GCC2: variants seen among roughly 807,000 people sequenced by gnomAD.
GCC2 encodes the protein GRIP and coiled-coil domain containing 2.
GCC2 carries 120 observed loss-of-function variants against 210.6 expected under a neutral mutation model. The observed-to-expected ratio is 0.57, with a 90% CI of 0.49 to 0.66. GCC2 has a LOEUF of 0.66. Ranked by LOEUF, GCC2 falls within the 30% of genes least tolerant of loss-of-function variation. The pLI, the probability that GCC2 is intolerant of heterozygous loss-of-function variation, is 0.00. For synonymous variants in GCC2, 703 were observed against 652.7 expected, an observed-to-expected ratio of 1.08 and a Z score of -1.17; for missense variants, 1,868 against 1,871.9, an observed-to-expected ratio of 1.00 and a Z score of 0.04.
At chr2:108,464,446 C>T (rs573942943) in intron 4 of GCC2, among the ~76,000 whole-genome samples, 8 of 152,290 alleles carry the variant, frequency 5.3e-5, no homozygotes, top group Admixed American at 3.3e-4. Context: ...GTGGGGACAG[C>T]GTGAGCTCTC....
chr2:108,477,564 A>C (rs1681607554), intron 9 of GCC2, among the ~76,000 whole-genome samples: 1 of 152,186 alleles, frequency 6.6e-6, no homozygotes, highest in Non-Finnish European at 1.5e-5. Context: ...ATCTCAGTAA[A>C]GTTTGAAACA....
intron 17 of GCC2, 145 bp downstream of exon 17, chr2:108,487,965 G>C (rs1682232062): frequency 2.6e-6 from 2 of 769,852 alleles, no homozygotes; most frequent in Non-Finnish European, 3.9e-6. Context: ...GGAGTGCAGT[G>C]GTGCAATCTC....
chr2:108,498,198 T>C (rs1262108107), intron 21 of GCC2, among the ~76,000 whole-genome samples: 1 of 126,000 alleles, frequency 7.9e-6, no homozygotes. Context: ...TTTTTTTTTT[T>C]TTTTTTTTTT....
chr2:108,501,766 C>G (rs546204549), intron 22 of GCC2, among the ~76,000 whole-genome samples: 1 of 152,290 alleles, frequency 6.6e-6, no homozygotes, highest in East Asian at 1.9e-4. Flanking sequence ...GGAGCCCATA[C>G]CTTGAGAACC....
At chr2:108,472,744 T>C in intron 6 of GCC2, 83 bp from the exon 7 acceptor site, 1 of 784,670 alleles carries the variant, frequency 1.3e-6, no homozygotes, top group East Asian at 2.5e-5. Context: ...ATGCTTAACA[T>C]GATGGCCAGT....
chr2:108,469,861 G>T lies in GCC2; in HGVS notation c.532G>T (p.Asp178Tyr), dbSNP rs1681092808. The T allele has an allele frequency of 6.2e-7, 1 of 1,612,112 alleles. No homozygotes were observed. The highest frequency in any genetic ancestry group is 8.5e-7 in the Non-Finnish European group (1 of 1,179,076). Residue 178 changes from aspartate (D) to tyrosine (Y), a missense_variant, in exon 6 of 23, where the codon GAT becomes TAT. By Grantham distance (160) the Asp-to-Tyr change is radical. Coordinates refer to ENST00000309863, the MANE Select transcript of GCC2 (RefSeq NM_181453.4). ...EQLKFQNNSE[D>Y]NVKKLQEEIE... is the part of the protein sequence containing the mutation. ...ACTTAAATTTCAGAACAACTCTGAA[G>T]ATAATGTTAAAAAACTACAAGAAGA... is the stretch of plus-strand genomic sequence containing the variant.
At chr2:108,495,625 G>A (rs1024979788) in intron 20 of GCC2, 140 bp downstream of exon 20, 170 of 515,056 alleles carry the variant, frequency 3.3e-4, no homozygotes, top group Non-Finnish European at 4.6e-4. Flanking sequence ...TTGTATTAGG[G>A]TTCTCTAGAG....
chr2:108,486,498 G>T lies in GCC2; in HGVS notation c.3793-13G>T. On this transcript the variant is annotated splice_polypyrimidine_tract_variant and intron_variant, in intron 15 of 22. Coordinates refer to ENST00000309863, the MANE Select transcript of GCC2 (RefSeq NM_181453.4). ...AGGATTTGCTAAAGCTAAATTTAAA[G>T]ATTTACCCCCAGATACAGCTGGCTG... is the stretch of plus-strand genomic sequence containing the variant. 6.2e-7 allele frequency: 1 copy of T among 1,613,648 alleles called. No homozygotes were observed. Among genetic ancestry groups the T allele is most frequent in the Non-Finnish European group, 8.5e-7 (1 of 1,179,748 alleles).
At position 108,476,054 on chromosome 2, in the gene GCC2, C is replaced by CCTTTTTTTTTTTTTTTTT. The variant is rs1558744710; in HGVS notation, c.3060+204_3060+205insCTTTTTTTTTTTTTTTTT. Among the ~76,000 whole-genome samples, 6 of 96,328 alleles carry CCTTTTTTTTTTTTTTTTT rather than the reference C, an allele frequency of 6.2e-5. 2 individuals carry two copies. The highest frequency in any genetic ancestry group is 3.8e-5 in the African/African-American group (1 of 26,590). 63.2% of individuals were successfully genotyped at this position (96,328 alleles called of 152,430 possible). ...TGGTTAAGCTTTAAATAGTGGCTTG[C>CCTTTTTTTTTTTTTTTTT]TTTTTTTTTTTTTTTTTTTTTTTTT... On this transcript the variant is annotated intron_variant, in intron 9 of 22. Coordinates refer to ENST00000309863, the MANE Select transcript of GCC2 (RefSeq NM_181453.4).
chr2:108,481,876 T>A (rs1681872385), intron 10 of GCC2, 60 bp downstream of exon 10: 1 of 1,269,286 alleles, frequency 7.9e-7, no homozygotes. Context: ...ATCTCAATAC[T>A]TTTTGCATAA....
At chr2:108,497,834 C>T (rs567674770) in intron 21 of GCC2, among the ~76,000 whole-genome samples, 3 of 152,258 alleles carry the variant, frequency 2.0e-5, no homozygotes, top group South Asian at 4.1e-4. Flanking sequence ...GCTCTACATA[C>T]GTTATTTAAT....
chr2:108,459,520 A>C (rs2104420170), intron 4 of GCC2, among the ~76,000 whole-genome samples: 1 of 152,210 alleles, frequency 6.6e-6, no homozygotes, highest in Non-Finnish European at 1.5e-5. Context: ...AGTCTGGTTT[A>C]AATGCAATGT....
intron 22 of GCC2, among the ~76,000 whole-genome samples, chr2:108,500,845 A>G (rs897585987): frequency 1.3e-5 from 2 of 152,130 alleles, no homozygotes; most frequent in African/African-American, 4.8e-5. Context: ...TTCTTTCCCC[A>G]GTGAATAATT....
intron 22 of GCC2, among the ~76,000 whole-genome samples, chr2:108,505,363 T>C (rs1021127284): frequency 2.0e-5 from 3 of 152,230 alleles, no homozygotes; most frequent in African/African-American, 7.2e-5. Context: ...CTAGAAGTTC[T>C]TCAGATTGTG....
intron 13 of GCC2, 87 bp downstream of exon 13, chr2:108,484,398 A>G: frequency 1.4e-6 from 1 of 717,974 alleles, no homozygotes; most frequent in East Asian, 2.9e-5. Context: ...TTATTTCACC[A>G]GTCTTTCACT....
At chr2:108,507,420 A>C (rs1301949527) in intron 22 of GCC2, 140 bp from the exon 23 acceptor site, 4 of 307,596 alleles carry the variant, frequency 1.3e-5, no homozygotes, top group East Asian at 1.3e-4. Context: ...CCCCCCCAAA[A>C]AAAAGGCATG....
chr2:108,453,788 A>G (rs1031536177), intron 4 of GCC2, among the ~76,000 whole-genome samples: 1 of 129,188 alleles, frequency 7.7e-6, no homozygotes, highest in Non-Finnish European at 1.8e-5. Context: ...CCGTTTTTAA[A>G]AAAAAAAAAA....
At chr2:108,487,948 C>G in intron 17 of GCC2, 128 bp downstream of exon 17, 1 of 963,762 alleles carries the variant, frequency 1.0e-6, no homozygotes, top group Non-Finnish European at 1.5e-6. Context: ...CTCTTGTTGC[C>G]CAGGCTGGAG....
rs1191536722 is a variant in GCC2, at chr2:108,499,226, AC to A, written c.4783-323del. Among the ~76,000 whole-genome samples, 17 of 151,688 alleles carry A rather than the reference AC, an allele frequency of 1.1e-4. No individual in the cohort carries two copies. In the East Asian group the frequency reaches 2.5e-3, roughly 22 times the overall value. ...TTCTACTTCACCCCTCTTCCTTCCA[AC>A]CCCAAATAGCTTAGGACAGTGGAGT... On this transcript the variant is annotated intron_variant, in intron 21 of 22. Coordinates refer to ENST00000309863, the MANE Select transcript of GCC2 (RefSeq NM_181453.4).
Sources: gnomAD v4.1 joint callset for allele counts (sites outside exome capture counted in the v4.1 genomes callset) on GRCh38, gnomAD v4.1.1 for gene constraint, MANE v1.5 for transcripts, NCBI Gene and HGNC (gene_info 2026-07-23, HGNC 2026-07-21) for gene names.